The following LMNA variants were observed in gnomAD, a reference collection of about 807,000 sequenced individuals.
The protein encoded by LMNA is lamin.
LMNA carries 20 observed loss-of-function variants against 70.4 expected under a neutral mutation model. That is an observed-to-expected ratio of 0.28 (90% CI 0.20 to 0.41). LMNA has a LOEUF of 0.41. Among genes scored for constraint, LMNA ranks in the 10% least tolerant of loss-of-function variants. The pLI, the probability that LMNA is intolerant of heterozygous loss-of-function variation, is 1.00. For synonymous variants in LMNA, 339 were observed against 372.8 expected, an observed-to-expected ratio of 0.91 and a Z score of 1.04; for missense variants, 652 against 917.2, an observed-to-expected ratio of 0.71 and a Z score of 3.73.
rs1651846886 is a variant in LMNA, at chr1:156,138,386, C to T, written c.1699-102C>T. 1.5e-6 allele frequency: 2 copies of T among 1,370,740 alleles called. No individual in the cohort carries two copies. The highest frequency in any genetic ancestry group is 2.0e-6 in the Non-Finnish European group (2 of 999,694). 84.9% of individuals were successfully genotyped at this position (1,370,740 alleles called of 1,614,324 possible). On this transcript the variant is annotated intron_variant, in intron 10 of 11. Coordinates refer to ENST00000368300, the MANE Select transcript of LMNA (RefSeq NM_170707.4). The surrounding 1 kb of genome is among the most constrained non-coding windows in gnomAD (Gnocchi z 5.5). ...CTCCTTGGGCACAGAACCACACCTT[C>T]CTGCCTGGCGGCTGGGAGCCTGCAG... is the stretch of plus-strand genomic sequence containing the variant.
intron 3 of LMNA, among the ~76,000 whole-genome samples, chr1:156,107,164 T>TAGTA (rs1186253854): frequency 1.3e-5 from 2 of 152,116 alleles, no homozygotes; most frequent in Non-Finnish European, 2.9e-5. Context: ...AAGGCTAAGG[T>TAGTA]AGTAACCTTG....
chr1:156,091,359 T>A (rs1648689925), intron 3 of LMNA, among the ~76,000 whole-genome samples: 1 of 152,166 alleles, frequency 6.6e-6, no homozygotes, highest in African/African-American at 2.4e-5. Flanking sequence ...TCCCAGCACT[T>A]TGGGAGGCCG....
In LMNA at chr1:156,093,298, A is replaced by AGTTTTTTTTTTTTTT. The variant is rs1399858052; in HGVS notation, c.-207+2716_-207+2717insGTTTTTTTTTTTTTT. On this transcript the variant is annotated intron_variant, in intron 3 of 12. Transcript: ENST00000368301. ...TCTTGCAGGACTCAATTTATATGTCAATTTTTTTTTTTTTTTTTTTTTTTT... is the reference window on the plus strand; with the variant it reads ...TCTTGCAGGACTCAATTTATATGTCAGTTTTTTTTTTTTTTATTTTTTTTTTTTTTTTTTTTTTTT... Among the ~76,000 whole-genome samples, 2 of 137,224 alleles carry AGTTTTTTTTTTTTTT rather than the reference A, an allele frequency of 1.5e-5. 1 individual carries two copies. 90.0% of individuals were successfully genotyped at this position (137,224 alleles called of 152,430 possible). A position where few individuals can be genotyped will look rare whatever the true frequency, so the allele number is the denominator to read the frequency against.
Position 156,126,441 on chromosome 1 carries a change from C to A in LMNA, c.357-4176C>A, listed in dbSNP as rs888072031. 4.2e-5 allele frequency: 26 copies of A among 622,786 alleles called. No homozygotes were observed. In the East Asian group the frequency reaches 7.4e-4, roughly 18 times the overall value. The allele number at this position is 622,786 out of a possible 1,614,324, so 38.6% of individuals were successfully genotyped here. ...GGCCCAAACAGGCCTGTGGCCGGCC[C>A]TGGCTTCCATATCTGGCATCAGAGT... is the stretch of plus-strand genomic sequence containing the variant. On this transcript the variant is annotated intron_variant, in intron 1 of 11. Transcript: ENST00000368300.
Position 156,138,696 on chromosome 1 carries a change from G to C in LMNA, c.1907G>C (p.Ser636Thr). The C allele has an allele frequency of 6.2e-7, 1 of 1,613,664 alleles. No individual in the cohort carries two copies. Among genetic ancestry groups the C allele is most frequent in the Non-Finnish European group, 8.5e-7 (1 of 1,180,020 alleles). Residue 636 changes from serine to threonine, a missense_variant, in exon 11 of 12, where the codon AGC (serine) becomes ACC (threonine). Physicochemically the swap from Ser to Thr is moderately conservative, Grantham distance 58. Coordinates refer to ENST00000368300, the MANE Select transcript of LMNA (RefSeq NM_170707.4). This position sits in a 1 kb window ranked among gnomAD's most constrained non-coding sequence, Gnocchi z 5.5. ...YRSVGGSGGG[S>T]FGDNLVTRSY... ...AGTGTGGGGGGCAGTGGGGGTGGCA[G>C]CTTCGGGGACAATCTGGTCACCCGC...
upstream of LMNA, among the ~76,000 whole-genome samples, chr1:156,112,911 G>A (rs1365138206): frequency 6.6e-6 from 1 of 152,148 alleles, no homozygotes; most frequent in African/African-American, 2.4e-5. Flanking sequence ...TGATTTCCCT[G>A]GTTGCTCATC....
chr1:156,117,969 ATTTTTTT>A (rs1186679791), intron 1 of LMNA, among the ~76,000 whole-genome samples: 12 of 91,912 alleles, frequency 1.3e-4, no homozygotes, highest in South Asian at 4.4e-4. Flanking sequence ...CGCTTGGCTA[ATTTTTTT>A]TTTTTTTTTT....
intron 2 of LMNA, among the ~76,000 whole-genome samples, chr1:156,133,914 C>T (rs1418616517): frequency 6.6e-6 from 1 of 152,208 alleles, no homozygotes; most frequent in Non-Finnish European, 1.5e-5. Flanking sequence ...GTACCCCAGG[C>T]ATACTTTGGT....
chr1:156,112,867 A>G (rs1453494826), upstream of LMNA, among the ~76,000 whole-genome samples: 2 of 152,178 alleles, frequency 1.3e-5, no homozygotes, highest in Non-Finnish European at 1.5e-5. Context: ...GGAAGCCCTG[A>G]TATCTTGGAG....
chr1:156,091,470 C>G (rs58713698), intron 3 of LMNA, among the ~76,000 whole-genome samples: 20 of 151,974 alleles, frequency 1.3e-4, no homozygotes, highest in Non-Finnish European at 2.6e-4. Context: ...GGCATGGTGG[C>G]GCATACCTGT....
At chr1:156,108,234 AC>A (rs1649420147) in intron 3 of LMNA, among the ~76,000 whole-genome samples, 1 of 152,096 alleles carries the variant, frequency 6.6e-6, no homozygotes. Flanking sequence ...TATAACTATC[AC>A]CTGCACATGA....
chr1:156,127,605 G>A (rs556404215), intron 1 of LMNA, among the ~76,000 whole-genome samples: 2 of 123,858 alleles, frequency 1.6e-5, no homozygotes, highest in Admixed American at 1.1e-4. Flanking sequence ...TGCAACCTCC[G>A]CCTCCCAAGT....
rs372201662 is a variant in LMNA, at chr1:156,138,554, G to A, written c.1765G>A (p.Gly589Arg). Residue 589 changes from glycine (G) to arginine (R), a missense_variant, in exon 11 of 12, where the codon GGG becomes AGG. Physicochemically the swap from Gly to Arg is moderately radical, Grantham distance 125 (BLOSUM62 -2). This residue lies in a region of LMNA where 327 missense variants were observed against 387.6 expected (regional missense o/e 0.84). Transcript: ENST00000368300. The surrounding 1 kb of genome is among the most constrained non-coding windows in gnomAD (Gnocchi z 5.5). ...CCTGCGCTCGCGCACCGTGCTGTGC[G>A]GGACCTGCGGGCAGCCTGCCGACAA... Reference protein sequence around the residue: ...YNLRSRTVLCGTCGQPADKAS... With the variant: ...YNLRSRTVLCRTCGQPADKAS... 1.9e-6 allele frequency: 3 copies of A among 1,612,418 alleles called. No individual in the cohort carries two copies. Among genetic ancestry groups the A allele is most frequent in the Non-Finnish European group, 2.5e-6 (3 of 1,179,776 alleles).
In LMNA at chr1:156,101,844, CA is replaced by C. The variant is rs774399030; in HGVS notation, c.-207+11264del. On this transcript the variant is annotated intron_variant, in intron 3 of 12. Transcript: ENST00000368301. ...ATAACAATTCTGGAGGTAGGAACCACAAGGACTTGGGGGCTCATTGGCCAAG... is the reference window on the plus strand; with the variant it reads ...ATAACAATTCTGGAGGTAGGAACCACAGGACTTGGGGGCTCATTGGCCAAG... Among the ~76,000 whole-genome samples, 25 of 152,176 alleles carry C rather than the reference CA, an allele frequency of 1.6e-4. 1 individual carries two copies. Among genetic ancestry groups the C allele is most frequent in the Admixed American group, 7.2e-4 (11 of 15,292 alleles).
At chr1:156,084,687 A>C (rs2102783881) in intron 2 of LMNA, among the ~76,000 whole-genome samples, 1 of 152,296 alleles carries the variant, frequency 6.6e-6, no homozygotes, top group African/African-American at 2.4e-5. Flanking sequence ...CCAGGTGACT[A>C]TCTTTCACAT....
rs763069566 is a variant in LMNA at position 156,135,962 on chromosome 1, C to T, written c.998C>T (p.Thr333Ile). Residue 333 changes from threonine to isoleucine, a missense_variant, in exon 6 of 12, where the codon ACC becomes ATC. Coordinates refer to ENST00000368300, the MANE Select transcript of LMNA (RefSeq NM_170707.4). This position sits in a 1 kb window ranked among gnomAD's most constrained non-coding sequence, Gnocchi z 4.8. ...GACTCACTGGCCCGTGAGCGGGACA[C>T]CAGCCGGCGGCTGCTGGCGGAAAAG... ...LEDSLARERD[T>I]SRRLLAEKER... 3.1e-6 allele frequency: 5 copies of T among 1,613,916 alleles called. No individual in the cohort carries two copies. Among genetic ancestry groups the T allele is most frequent in the African/African-American group, 2.7e-5 (2 of 74,940 alleles).
chr1:156,099,566 C>A (rs1225715974), intron 3 of LMNA, among the ~76,000 whole-genome samples: 1 of 151,952 alleles, frequency 6.6e-6, no homozygotes, highest in Non-Finnish European at 1.5e-5. Flanking sequence ...CAGTGAGGGA[C>A]AATAGAGTAA....
At chr1:156,105,850 G>C (rs1010047063) in intron 3 of LMNA, among the ~76,000 whole-genome samples, 1 of 152,138 alleles carries the variant, frequency 6.6e-6, no homozygotes, top group African/African-American at 2.4e-5. Flanking sequence ...CAGGCACGGT[G>C]GCTCACGCCT....
At chr1:156,092,068 T>A (rs1648724964) in intron 3 of LMNA, among the ~76,000 whole-genome samples, 1 of 151,886 alleles carries the variant, frequency 6.6e-6, no homozygotes, top group Non-Finnish European at 1.5e-5. Flanking sequence ...CAGGTATGCA[T>A]CACCACACCG....
Sources: gnomAD v4.1 joint callset for allele counts (sites outside exome capture counted in the v4.1 genomes callset) on GRCh38, gnomAD v4.1.1 for gene constraint, gnomAD v4.1.1 regional missense constraint, Gnocchi (gnomAD v3.1) non-coding constraint, MANE v1.5 for transcripts, NCBI Gene and HGNC (gene_info 2026-07-23, HGNC 2026-07-21) for gene names.